LRP1: variants seen among roughly 807,000 people sequenced by gnomAD.
LRP1 encodes LDL receptor related protein 1.
Under a neutral mutation model 541.5 loss-of-function variants are expected in LRP1, and 51 were observed. That is an observed-to-expected ratio of 0.09 (90% CI 0.08 to 0.12). The LOEUF (loss-of-function observed/expected upper bound fraction) is 0.12, where lower values mean the gene tolerates loss of function less well. Ranked by LOEUF, LRP1 falls within the 10% of genes least tolerant of loss-of-function variation. The pLI, the probability that LRP1 is intolerant of heterozygous loss-of-function variation, is 1.00. For synonymous variants in LRP1, 2,219 were observed against 2,470.8 expected, an observed-to-expected ratio of 0.90 and a Z score of 3.02; for missense variants, 3,878 against 6,376.2, an observed-to-expected ratio of 0.61 and a Z score of 13.34.
At chr12:57,167,312 C>A in intron 18 of LRP1, 132 bp from the exon 19 acceptor site, 3 of 720,212 alleles carry the variant, frequency 4.2e-6, no homozygotes, top group African/African-American at 1.7e-5. Flanking sequence ...GGCACTGCTG[C>A]GGGGCCTTCC....
chr12:57,130,605 C>T (rs529168366), intron 1 of LRP1, among the ~76,000 whole-genome samples: 1 of 152,038 alleles, frequency 6.6e-6, no homozygotes, highest in African/African-American at 2.4e-5. Context: ...GCAGCCGCTT[C>T]TGGGAGGAAT....
chr12:57,173,307 C>G lies in LRP1; in HGVS notation c.3303C>G (p.Thr1101=), dbSNP rs753049877. 4 of 1,614,006 alleles carry G rather than the reference C, an allele frequency of 2.5e-6. No homozygotes were observed. Among genetic ancestry groups the G allele is most frequent in the African/African-American group, 1.3e-5 (1 of 75,030 alleles). ...SSDEKSCEGV[T]HVCDPSVKFG... ...ATGAGAAGAGCTGTGAGGGAGTGAC[C>G]CACGTCTGCGATCCCAGTGTCAAGT... Residue 1101 remains threonine, a synonymous_variant, in exon 21 of 89, where the codon ACC becomes ACG. Transcript: ENST00000243077. The surrounding 1 kb of genome is among the most constrained non-coding windows in gnomAD (Gnocchi z 4.7).
At chr12:57,150,629 C>T (rs1471151247) in intron 6 of LRP1, among the ~76,000 whole-genome samples, 3 of 152,092 alleles carry the variant, frequency 2.0e-5, no homozygotes, top group Non-Finnish European at 4.4e-5. Flanking sequence ...TGGCTGGAGG[C>T]ACAGAGGGCG....
At position 57,184,802 on chromosome 12, in the gene LRP1, C is replaced by T. The variant is rs763532756; in HGVS notation, c.6187-37C>T. On this transcript the variant is annotated intron_variant, in intron 38 of 88. Coordinates refer to ENST00000243077, the MANE Select transcript of LRP1 (RefSeq NM_002332.3). This position sits in a 1 kb window ranked among gnomAD's most constrained non-coding sequence, Gnocchi z 7.8. Reference sequence around the variant, plus strand: ...CCAGACATGGGGCTGGCAGCGAGCTCAGCCCTGGAGGTGAGGTGGGTGCCT... The same window carrying T: ...CCAGACATGGGGCTGGCAGCGAGCTTAGCCCTGGAGGTGAGGTGGGTGCCT... 3.1e-5 allele frequency: 50 copies of T among 1,593,356 alleles called. 2 individuals are homozygous for T. The South Asian group carries it at 5.6e-4, about 18-fold the overall frequency.
At position 57,206,545 on chromosome 12, in the gene LRP1, C is replaced by T. The variant is rs745620359; in HGVS notation, c.11663C>T (p.Ser3888Leu). 2.7e-5 allele frequency: 43 copies of T among 1,614,054 alleles called. No homozygotes were observed. The highest frequency in any genetic ancestry group is 1.4e-4 in the South Asian group (13 of 91,084). ...IRSLFPGHPHSAYEQAFQGDE... is the reference protein window; with the variant it reads ...IRSLFPGHPHLAYEQAFQGDE... ...AGCCTGTTCCCCGGCCACCCCCATT[C>T]GGCTTACGAGCAGGCATTCCAGGGT... is the stretch of plus-strand genomic sequence containing the variant. The change falls in exon 76 of 89, where the codon TCG (serine) becomes TTG (leucine). Residue 3888 changes from serine (S) to leucine (L), a missense_variant. Physicochemically the swap from Ser to Leu is moderately radical, Grantham distance 145 (BLOSUM62 -2). Around this residue, in one of 13 missense-constraint regions of LRP1, gnomAD observed 871 missense variants for 1,212.4 expected, o/e 0.72. Coordinates refer to ENST00000243077, the MANE Select transcript of LRP1 (RefSeq NM_002332.3). This position sits in a 1 kb window ranked among gnomAD's most constrained non-coding sequence, Gnocchi z 4.7.
Position 57,136,403 on chromosome 12 carries a change from C to A in LRP1, c.68-2056C>A, listed in dbSNP as rs60565245. Among the ~76,000 whole-genome samples, 58 of 147,484 alleles carry A rather than the reference C, an allele frequency of 3.9e-4. 2 individuals are homozygous for A. Among genetic ancestry groups the A allele is most frequent in the African/African-American group, 1.4e-3 (55 of 40,388 alleles). Reference sequence around the variant, plus strand: ...CTCCCTCCCTCCTAAGAGCCCCCCCCCCCCGCCATTTTCCTTATACTTCTG... The same window carrying A: ...CTCCCTCCCTCCTAAGAGCCCCCCCACCCCGCCATTTTCCTTATACTTCTG... On this transcript the variant is annotated intron_variant, in intron 1 of 88. Transcript: ENST00000243077.
chr12:57,199,518 C>T (rs2036604068), intron 61 of LRP1, 118 bp downstream of exon 61: 2 of 1,138,572 alleles, frequency 1.8e-6, no homozygotes, highest in Middle Eastern at 3.0e-4. Flanking sequence ...CACTGGGAGA[C>T]TCCAGGAGGG....
At chr12:57,176,452 C>T (rs1395723574) in intron 24 of LRP1, among the ~76,000 whole-genome samples, 2 of 152,238 alleles carry the variant, frequency 1.3e-5, no homozygotes, top group Non-Finnish European at 2.9e-5. Flanking sequence ...GCACCCCAGA[C>T]TTCCTTCAGT....
chr12:57,176,456 C>T (rs2036048973), intron 24 of LRP1, among the ~76,000 whole-genome samples: 1 of 152,212 alleles, frequency 6.6e-6, no homozygotes, highest in Non-Finnish European at 1.5e-5. Flanking sequence ...CCCAGACTTC[C>T]TTCAGTCACA....
At position 57,154,863 on chromosome 12, in the gene LRP1, G is replaced by A; in HGVS notation, c.1227+162G>A. 1 of 667,252 alleles carries A rather than the reference G, an allele frequency of 1.5e-6. No individual in the cohort carries two copies. The highest frequency in any genetic ancestry group is 2.7e-6 in the Non-Finnish European group (1 of 371,814). 41.3% of individuals were successfully genotyped at this position (667,252 alleles called of 1,614,324 possible). On this transcript the variant is annotated intron_variant, in intron 8 of 88. Transcript: ENST00000243077. The surrounding 1 kb of genome is among the most constrained non-coding windows in gnomAD (Gnocchi z 4.6). ...GTGGGGTGGGCTTGAATACTGCAGA[G>A]AAAGGACAAGATACGGGTTCCACTG...
rs12814239 is a variant in LRP1 at position 57,175,695 on chromosome 12, C to T, written c.3783C>T (p.Cys1261=). ...GWVLEPDGES[C]RSLDPFKPFI... is the part of the protein sequence containing the mutation. ...TCCTGGAACCTGACGGCGAGAGCTG[C>T]CGCAGCCTGGGTGAGACAACAGTGA... is the stretch of plus-strand genomic sequence containing the variant. The change falls in exon 23 of 89, where the codon TGC becomes TGT. Residue 1261 remains cysteine, a synonymous_variant. Transcript: ENST00000243077. The T allele has an allele frequency of 0.059, 92,266 of 1,569,166 alleles. 3,096 individuals are homozygous for T. Among genetic ancestry groups the T allele is most frequent in the Non-Finnish European group, 0.065 (74,580 of 1,155,126 alleles).
intron 2 of LRP1, among the ~76,000 whole-genome samples, chr12:57,141,107 A>G (rs1466236396): frequency 6.6e-6 from 1 of 152,136 alleles, no homozygotes; most frequent in Non-Finnish European, 1.5e-5. Context: ...TGAGCATAGA[A>G]TGTTGAGGCA....
chr12:57,147,141 G>A (rs1457779456), intron 6 of LRP1, among the ~76,000 whole-genome samples: 2 of 151,856 alleles, frequency 1.3e-5, no homozygotes, highest in Non-Finnish European at 2.9e-5. Context: ...CAGAGTCCAG[G>A]AGGCTAGAAG....
chr12:57,178,866 T>G lies in LRP1; in HGVS notation c.4607-24T>G. On this transcript the variant is annotated intron_variant, in intron 27 of 88. Coordinates refer to ENST00000243077, the MANE Select transcript of LRP1 (RefSeq NM_002332.3). This position sits in a 1 kb window ranked among gnomAD's most constrained non-coding sequence, Gnocchi z 5.8. ...GCAAGTCACAGGATGCTCTGGCTTC[T>G]TCTCTTCTCCACCCTGCCCCCAGCT... 1 of 1,600,106 alleles carries G rather than the reference T, an allele frequency of 6.2e-7. No homozygotes were observed. The highest frequency in any genetic ancestry group is 8.5e-7 in the Non-Finnish European group (1 of 1,175,384).
At position 57,128,988 on chromosome 12, in the gene LRP1, G is replaced by T. The variant is rs2034977185; in HGVS notation, c.24G>T (p.Leu8=). The T allele has an allele frequency of 3.2e-6, 5 of 1,551,206 alleles. No homozygotes were observed. Among genetic ancestry groups the T allele is most frequent in the Non-Finnish European group, 4.4e-6 (5 of 1,146,730 alleles). The change falls in exon 1 of 89, where the codon CTG becomes CTT. Residue 8 remains leucine (L), a synonymous_variant. Transcript: ENST00000243077. Reference sequence around the variant, plus strand: ...CCATGCTGACCCCGCCGTTGCTCCTGCTGCTGCCCCTGCTCTCAGCTCTGG... The same window carrying T: ...CCATGCTGACCCCGCCGTTGCTCCTTCTGCTGCCCCTGCTCTCAGCTCTGG... The part of the protein sequence containing the change: MLTPPLL[L]LLPLLSALVA...
chr12:57,192,618 T>G (rs75515547), intron 44 of LRP1, among the ~76,000 whole-genome samples: 1 of 152,122 alleles, frequency 6.6e-6, no homozygotes, highest in Non-Finnish European at 1.5e-5. Context: ...GTGCCCTGCC[T>G]AAAAGCACAC....
chr12:57,192,780 G>T, intron 44 of LRP1, 65 bp from the exon 45 acceptor site: 1 of 1,602,024 alleles, frequency 6.2e-7, no homozygotes, highest in East Asian at 2.2e-5. Context: ...ATGGGTGGGT[G>T]CACTCTGGGT....
chr12:57,147,400 C>T (rs1311906673), intron 6 of LRP1: 7 of 152,574 alleles, frequency 4.6e-5, no homozygotes, highest in Admixed American at 4.6e-4. Context: ...GCTGACTGGC[C>T]TGCCCTGGTG....
Position 57,193,657 on chromosome 12 carries a change from G to A in LRP1, c.7776G>A (p.Gly2592=). ...MLWCNGADDC[G]DGSDEIPCNK... The stretch of plus-strand genomic sequence containing the variant: ...GGTGCAACGGGGCCGACGACTGTGG[G>A]GATGGCTCTGACGAGATCCCTTGCA... Residue 2592 remains glycine, a synonymous_variant, in exon 47 of 89, where the codon GGG becomes GGA. Transcript: ENST00000243077. The A allele has an allele frequency of 6.2e-7, 1 of 1,614,174 alleles. No homozygotes were observed. Among genetic ancestry groups the A allele is most frequent in the Non-Finnish European group, 8.5e-7 (1 of 1,180,036 alleles).
Sources: gnomAD v4.1 joint callset for allele counts (sites outside exome capture counted in the v4.1 genomes callset) on GRCh38, gnomAD v4.1.1 for gene constraint, gnomAD v4.1.1 regional missense constraint, Gnocchi (gnomAD v3.1) non-coding constraint, MANE v1.5 for transcripts, NCBI Gene and HGNC (gene_info 2026-07-23, HGNC 2026-07-21) for gene names.